Variants in DAPK2 observed in about 807,000 individuals in gnomAD.
The protein encoded by DAPK2 is death-associated protein kinase 2.
In DAPK2, 35 loss-of-function variants were observed where a neutral mutation model predicts 44.1. The observed-to-expected ratio is 0.79, with a 90% confidence interval of 0.61 to 1.05. The LOEUF (loss-of-function observed/expected upper bound fraction) is 1.05. DAPK2 is among the 50% of genes least tolerant of loss of function. DAPK2 has a pLI of 0.00. For missense variants in DAPK2, 453 were observed against 483.2 expected (o/e 0.94, Z 0.59); for synonymous variants, 174 against 182.6 (o/e 0.95, Z 0.38).
chr15:64,007,778 T>C lies in DAPK2; in HGVS notation c.93-24024A>G, dbSNP rs138352899. ...CAAGACGATACAGTCCAAATGTTCATCATCTAGTGAATAGATGAACAAAAG... is the reference window on the plus strand; with the variant it reads ...CAAGACGATACAGTCCAAATGTTCACCATCTAGTGAATAGATGAACAAAAG... On this transcript the variant is annotated intron_variant, in intron 1 of 10. Coordinates refer to ENST00000261891, the Ensembl canonical transcript of DAPK2. 1.1e-3 allele frequency among the ~76,000 whole-genome samples: 163 copies of C among 152,326 alleles called. 2 individuals are homozygous for C. The East Asian group carries it at 0.024, about 22-fold the overall frequency.
chr15:63,989,672 CACAT>C (rs932918641), intron 1 of DAPK2, among the ~76,000 whole-genome samples: 3 of 152,102 alleles, frequency 2.0e-5, no homozygotes, highest in South Asian at 2.1e-4. Context: ...TACATACACA[CACAT>C]ACATACATAC....
At chr15:64,007,834 G>C (rs1405154162) in intron 1 of DAPK2, among the ~76,000 whole-genome samples, 2 of 152,118 alleles carry the variant, frequency 1.3e-5, no homozygotes, top group Non-Finnish European at 2.9e-5. Context: ...GATATTATTT[G>C]GCAATTAAAA....
intron 2 of DAPK2, 37 bp from the exon 4 acceptor site, chr15:63,971,598 C>T (rs1197509858): frequency 1.9e-6 from 3 of 1,606,770 alleles, no homozygotes; most frequent in Non-Finnish European, 2.6e-6. Context: ...AGGCCCAGGC[C>T]CAGTCAGCTC....
At position 63,976,256 on chromosome 15, in the gene DAPK2, C is replaced by A. The variant is rs147966172; in HGVS notation, c.315-4695G>T. On this transcript the variant is annotated intron_variant, in intron 2 of 10. Coordinates refer to ENST00000261891, the Ensembl canonical transcript of DAPK2. The stretch of plus-strand genomic sequence containing the variant: ...CCACTAGTCACATGTGGTTACTGAG[C>A]ACTTGCAATGTGGCTAGTGTAATAG... Among the ~76,000 whole-genome samples, 1,043 of 152,300 alleles carry A rather than the reference C, an allele frequency of 6.8e-3. 13 individuals are homozygous for A. Among genetic ancestry groups the A allele is most frequent in the African/African-American group, 0.024 (985 of 41,558 alleles).
At chr15:64,007,691 G>T (rs1238950833) in intron 1 of DAPK2, among the ~76,000 whole-genome samples, 1 of 152,162 alleles carries the variant, frequency 6.6e-6, no homozygotes, top group Non-Finnish European at 1.5e-5. Context: ...CGACTTTTTT[G>T]GCACATCAAA....
intron 1 of DAPK2, among the ~76,000 whole-genome samples, chr15:64,011,358 C>T (rs932507257): frequency 1.2e-4 from 19 of 152,062 alleles, no homozygotes; most frequent in Non-Finnish European, 2.5e-4. Context: ...TCAGGAGTTC[C>T]AGACCAGCCT....
chr15:63,948,089 G>A (rs955253820), intron 3 of DAPK2, among the ~76,000 whole-genome samples: 17 of 151,878 alleles, frequency 1.1e-4, no homozygotes, highest in African/African-American at 3.4e-4. Flanking sequence ...CCAACATAGC[G>A]AAACCCCATC....
At chr15:64,042,041 G>T (rs531791484), upstream of DAPK2, among the ~76,000 whole-genome samples, 1 of 152,140 alleles carries the variant, frequency 6.6e-6, no homozygotes, top group East Asian at 1.9e-4. The surrounding 1 kb of genome is among the most constrained non-coding windows in gnomAD (Gnocchi z 4.7). Context: ...CCAGACTAGC[G>T]TGAGTGTATA....
chr15:63,987,786 G>A (rs2140888829), intron 1 of DAPK2, among the ~76,000 whole-genome samples: 1 of 152,296 alleles, frequency 6.6e-6, no homozygotes, highest in East Asian at 1.9e-4. Flanking sequence ...CTGGTGTCAG[G>A]AGACTGGGAG....
intron 8 of DAPK2, chr15:63,920,681 G>C (rs1283862526): frequency 1.3e-5 from 2 of 152,206 alleles, no homozygotes; most frequent in Non-Finnish European, 2.9e-5. Context: ...TCCTGTCTGA[G>C]CTGTTCACGG....
chr15:63,983,231 A>C (rs1160913298), intron 2 of DAPK2, among the ~76,000 whole-genome samples: 1 of 152,074 alleles, frequency 6.6e-6, no homozygotes, highest in East Asian at 1.9e-4. Flanking sequence ...AAAAGACCCC[A>C]GTGCAGTCAT....
At chr15:63,922,820 G>A in intron 8 of DAPK2, 1 of 1,535,908 alleles carries the variant, frequency 6.5e-7, no homozygotes, top group Non-Finnish European at 8.7e-7. Context: ...CTGGTAGAAT[G>A]TGGAGCCCAG....
chr15:63,921,858 A>T (rs779881865), intron 8 of DAPK2: 1 of 152,172 alleles, frequency 6.6e-6, no homozygotes, highest in Non-Finnish European at 1.5e-5. Flanking sequence ...AGACAGAGAC[A>T]GGGATGGGTA....
At chr15:63,956,019 T>C (rs1033717093) in intron 3 of DAPK2, among the ~76,000 whole-genome samples, 2 of 152,376 alleles carry the variant, frequency 1.3e-5, no homozygotes, top group Non-Finnish European at 2.9e-5. Flanking sequence ...GGTTCAATCC[T>C]GGTAGGTTGT....
chr15:64,043,727 G>A (rs1183488636), upstream of DAPK2, among the ~76,000 whole-genome samples: 1 of 152,206 alleles, frequency 6.6e-6, no homozygotes, highest in South Asian at 2.1e-4. Context: ...TTTAAAATGA[G>A]ACTAATGTGA....
intron 4 of DAPK2, among the ~76,000 whole-genome samples, chr15:63,931,348 C>T (rs1008817969): frequency 3.3e-5 from 5 of 152,098 alleles, no homozygotes; most frequent in Non-Finnish European, 7.4e-5. Context: ...ACAAACAGGC[C>T]TTGATAGGAA....
chr15:63,983,830 G>T, intron 1 of DAPK2, 76 bp from the exon 3 acceptor site: 1 of 1,398,950 alleles, frequency 7.1e-7, no homozygotes, highest in Non-Finnish European at 9.8e-7. Context: ...CAGCTACCAG[G>T]TCACACAAAT....
intron 8 of DAPK2, chr15:63,922,751 G>T (rs528341808): frequency 7.9e-5 from 120 of 1,519,216 alleles, no homozygotes; most frequent in Non-Finnish European, 1.0e-4. Context: ...CTTCCAGCCT[G>T]CCAGAAATTC....
At chr15:63,937,204 T>A (rs974202508) in intron 4 of DAPK2, among the ~76,000 whole-genome samples, 1 of 152,150 alleles carries the variant, frequency 6.6e-6, no homozygotes. Context: ...AGTCATCTTA[T>A]ATATTTTAAG....
Sources: gnomAD v4.1 joint callset for allele counts (sites outside exome capture counted in the v4.1 genomes callset) on GRCh38, gnomAD v4.1.1 for gene constraint, Gnocchi (gnomAD v3.1) non-coding constraint, MANE v1.5 for transcripts, NCBI Gene and HGNC (gene_info 2026-07-23, HGNC 2026-07-21) for gene names.